Variants in GALNT7 observed in about 807,000 individuals in gnomAD.
GALNT7 encodes the protein N-acetylgalactosaminyltransferase 7.
A neutral mutation model predicts 82.1 loss-of-function variants in GALNT7; 60 were observed. That is an observed-to-expected ratio of 0.73 (90% CI 0.59 to 0.91). The LOEUF (loss-of-function observed/expected upper bound fraction) is 0.91. Among genes scored for constraint, GALNT7 ranks in the 40% least tolerant of loss-of-function variants. GALNT7 has a pLI of 0.00. For missense variants in GALNT7, 660 were observed against 804.2 expected, an observed-to-expected ratio of 0.82 and a Z score of 2.17; for synonymous variants, 243 against 275.1, an observed-to-expected ratio of 0.88 and a Z score of 1.15.
intron 1 of GALNT7, among the ~76,000 whole-genome samples, chr4:173,185,821 T>C (rs895980470): frequency 3.9e-5 from 6 of 152,318 alleles, no homozygotes; most frequent in Admixed American, 1.3e-4. Flanking sequence ...ATTATTTAGG[T>C]TCAAGAGATT....
intron 2 of GALNT7, among the ~76,000 whole-genome samples, chr4:173,288,403 G>T (rs1284389938): frequency 3.3e-5 from 5 of 151,956 alleles, no homozygotes; most frequent in Non-Finnish European, 7.4e-5. Flanking sequence ...CTAATAGAGG[G>T]ACATAGGAGG....
intron 2 of GALNT7, among the ~76,000 whole-genome samples, chr4:173,276,606 G>C (rs76190516): frequency 6.6e-6 from 1 of 152,154 alleles, no homozygotes; most frequent in Non-Finnish European, 1.5e-5. Flanking sequence ...TGTGATTATT[G>C]TACCACTAGC....
At chr4:173,256,538 C>T (rs1236267557) in intron 2 of GALNT7, among the ~76,000 whole-genome samples, 1 of 151,066 alleles carries the variant, frequency 6.6e-6, no homozygotes, top group African/African-American at 2.4e-5. Flanking sequence ...TATTGCCCTC[C>T]CTCTCTCCCT....
chr4:173,246,999 C>T (rs1734659360), intron 1 of GALNT7, among the ~76,000 whole-genome samples: 1 of 152,104 alleles, frequency 6.6e-6, no homozygotes, highest in African/African-American at 2.4e-5. Context: ...CAGTGATTCT[C>T]AGGCTTAGAT....
intron 1 of GALNT7, among the ~76,000 whole-genome samples, chr4:173,238,787 A>G (rs1267752338): frequency 6.6e-6 from 1 of 152,240 alleles, no homozygotes; most frequent in Non-Finnish European, 1.5e-5. Context: ...GAAAGATAGA[A>G]CTTACATAGA....
chr4:173,264,914 G>A (rs906387719), intron 2 of GALNT7, among the ~76,000 whole-genome samples: 3 of 152,252 alleles, frequency 2.0e-5, no homozygotes, highest in Non-Finnish European at 4.4e-5. Context: ...CCACTGCCAG[G>A]TGCGACAGCT....
rs182437699 is a variant in GALNT7, at chr4:173,189,425, A to G, written c.126+20464A>G. On this transcript the variant is annotated intron_variant, in intron 1 of 11. Coordinates refer to ENST00000265000, the MANE Select transcript of GALNT7 (RefSeq NM_017423.3). ...TAAGTATAACCCATATTAGATTTCT[A>G]TTCATACAGAAATAGATGTCCAGTG... Among the ~76,000 whole-genome samples the G allele has an allele frequency of 5.8e-4, 89 of 152,332 alleles. 1 individual carries two copies. In the South Asian group the frequency reaches 6.8e-3, roughly 12 times the overall value.
intron 8 of GALNT7, among the ~76,000 whole-genome samples, chr4:173,310,157 A>C (rs541580356): frequency 6.6e-5 from 10 of 152,318 alleles, no homozygotes; most frequent in Admixed American, 5.2e-4. Flanking sequence ...GTCTCCTCTG[A>C]GCCTCAAACC....
At chr4:173,188,273 G>C (rs1038908975) in intron 1 of GALNT7, among the ~76,000 whole-genome samples, 1 of 152,194 alleles carries the variant, frequency 6.6e-6, no homozygotes, top group Non-Finnish European at 1.5e-5. Flanking sequence ...GTAACAACTA[G>C]AGTTCAAACC....
chr4:173,219,764 A>G (rs997395201), intron 1 of GALNT7, among the ~76,000 whole-genome samples: 1 of 151,224 alleles, frequency 6.6e-6, no homozygotes, highest in Admixed American at 6.6e-5. Flanking sequence ...GCATTTTTTC[A>G]TTTTTTTTGG....
At chr4:173,288,325 A>G (rs1483013346) in intron 2 of GALNT7, among the ~76,000 whole-genome samples, 2 of 151,176 alleles carry the variant, frequency 1.3e-5, no homozygotes, top group African/African-American at 4.9e-5. Context: ...ATATGAATTG[A>G]ATGGCTGTCC....
At chr4:173,246,478 C>A (rs1179177301) in intron 1 of GALNT7, among the ~76,000 whole-genome samples, 1 of 152,184 alleles carries the variant, frequency 6.6e-6, no homozygotes, top group Non-Finnish European at 1.5e-5. Context: ...GTAATTACCC[C>A]TGCAGAAGGA....
chr4:173,254,601 A>T (rs1579958519), intron 2 of GALNT7, among the ~76,000 whole-genome samples: 1 of 152,216 alleles, frequency 6.6e-6, no homozygotes. Context: ...TACATATATG[A>T]ATCATGTATA....
At chr4:173,282,826 G>A (rs1401913522) in intron 2 of GALNT7, among the ~76,000 whole-genome samples, 2 of 152,166 alleles carry the variant, frequency 1.3e-5, no homozygotes, top group Non-Finnish European at 2.9e-5. Flanking sequence ...GATAACTGGT[G>A]GCTATAGTTA....
intron 8 of GALNT7, among the ~76,000 whole-genome samples, chr4:173,305,507 A>T (rs1309725927): frequency 6.6e-6 from 1 of 152,062 alleles, no homozygotes; most frequent in South Asian, 2.1e-4. Context: ...AATATCATGG[A>T]ATTTTTTCTT....
chr4:173,248,320 T>C lies in GALNT7; in HGVS notation c.467T>C (p.Leu156Ser), dbSNP rs1734734459. Reference protein sequence around the residue: ...VGGPGEKAKPLVLGPEFKQAI... With the variant: ...VGGPGEKAKPSVLGPEFKQAI... Reference sequence around the variant, plus strand: ...GGCCCTGGAGAGAAAGCCAAGCCATTGGTTTTGGGACCAGAATTCAAACAA... The same window carrying C: ...GGCCCTGGAGAGAAAGCCAAGCCATCGGTTTTGGGACCAGAATTCAAACAA... The change falls in exon 2 of 12, where the codon TTG becomes TCG. Residue 156 changes from leucine (L) to serine (S), a missense_variant. By Grantham distance (145) the Leu-to-Ser change is moderately radical. Coordinates refer to ENST00000265000, the MANE Select transcript of GALNT7 (RefSeq NM_017423.3). 1.2e-5 allele frequency: 20 copies of C among 1,613,718 alleles called. No homozygotes were observed. The highest frequency in any genetic ancestry group is 1.7e-5 in the Non-Finnish European group (20 of 1,179,798).
rs115291770 is a variant in GALNT7 at position 173,242,168 on chromosome 4, A to G, written c.127-5812A>G. Among the ~76,000 whole-genome samples, 497 of 152,130 alleles carry G rather than the reference A, an allele frequency of 3.3e-3. 2 individuals carry two copies. The highest frequency in any genetic ancestry group is 0.011 in the African/African-American group (468 of 41,492). ...ACTCTACTATTTTCTCTATTTTGTT[A>G]CCCTTTGGTTTATATCTTGGCCTGA... On this transcript the variant is annotated intron_variant, in intron 1 of 11. Coordinates refer to ENST00000265000, the MANE Select transcript of GALNT7 (RefSeq NM_017423.3).
intron 1 of GALNT7, among the ~76,000 whole-genome samples, chr4:173,245,516 A>G (rs1435301657): frequency 6.6e-6 from 1 of 152,094 alleles, no homozygotes; most frequent in Non-Finnish European, 1.5e-5. Flanking sequence ...ATTTAATAAC[A>G]TTTCCTTACC....
At chr4:173,203,398 G>GT (rs1208929597) in intron 1 of GALNT7, among the ~76,000 whole-genome samples, 1 of 152,256 alleles carries the variant, frequency 6.6e-6, no homozygotes, top group East Asian at 1.9e-4. Flanking sequence ...GCCAGGTCTT[G>GT]TTTTTTTATC....
Sources: allele counts gnomAD v4.1 joint callset (sites outside exome capture counted in the v4.1 genomes callset), GRCh38; gene constraint gnomAD v4.1.1; transcripts MANE v1.5; gene names NCBI Gene and HGNC (gene_info 2026-07-23, HGNC 2026-07-21).